ROBO1: variants seen among roughly 807,000 people sequenced by gnomAD.
The protein encoded by ROBO1 is roundabout guidance receptor 1.
In ROBO1, 149 loss-of-function variants were observed where a neutral mutation model predicts 195.9. That is an observed-to-expected ratio of 0.76 (90% confidence interval 0.67 to 0.87). The LOEUF is 0.87. Among genes scored for constraint, ROBO1 ranks in the 40% least tolerant of loss-of-function variants. The pLI, the probability that ROBO1 is intolerant of heterozygous loss-of-function variation, is 0.00. For synonymous variants in ROBO1, 816 were observed against 733.2 expected (o/e 1.11, Z -1.82); for missense variants, 1,933 against 2,068.3 (o/e 0.93, Z 1.27).
chr3:78,665,664 T>G (rs1278724214), intron 14 of ROBO1, among the ~76,000 whole-genome samples: 1 of 152,090 alleles, frequency 6.6e-6, no homozygotes. Context: ...AGAAAACAAA[T>G]CTGAATCTTA....
intron 29 of ROBO1, among the ~76,000 whole-genome samples, chr3:78,605,140 C>T (rs577596506): frequency 5.9e-5 from 9 of 152,200 alleles, no homozygotes; most frequent in African/African-American, 9.6e-5. Flanking sequence ...CTTTTTTCCT[C>T]GCTTGGTTTA....
intron 2 of ROBO1, among the ~76,000 whole-genome samples, chr3:79,500,000 G>T (rs921720318): frequency 6.6e-6 from 1 of 151,614 alleles, no homozygotes; most frequent in Non-Finnish European, 1.5e-5. Flanking sequence ...TAGAGATGGG[G>T]TTACACCGTA....
At chr3:78,720,407 C>G (rs1389378735) in intron 5 of ROBO1, among the ~76,000 whole-genome samples, 2 of 152,158 alleles carry the variant, frequency 1.3e-5, no homozygotes, top group Non-Finnish European at 2.9e-5. Flanking sequence ...CCATCTCACA[C>G]CAGTTAGAAT....
At position 78,600,219 on chromosome 3, in the gene ROBO1, G is replaced by A. The variant is rs1402585434; in HGVS notation, c.4835C>T (p.Ser1612Leu). The stretch of plus-strand genomic sequence containing the variant: ...TGCTTGTTCTCTTTGTCTGCTTCCT[G>A]ATCCTCTTGATGACATTGAGCTTGA... ...SSSSSMSSRG[S>L]GSRQREQANV... Residue 1612 changes from serine (S) to leucine (L), a missense_variant, in exon 30 of 31, where the codon TCA becomes TTA. By Grantham distance (145) the Ser-to-Leu change is moderately radical. Coordinates refer to ENST00000464233, the MANE Select transcript of ROBO1 (RefSeq NM_002941.4). The A allele has an allele frequency of 6.8e-6, 11 of 1,613,276 alleles. No homozygotes were observed. Among genetic ancestry groups the A allele is most frequent in the Non-Finnish European group, 9.3e-6 (11 of 1,179,482 alleles).
intron 3 of ROBO1, among the ~76,000 whole-genome samples, chr3:78,995,572 GCTTAACACCAT>G (rs2077343143): frequency 6.6e-6 from 1 of 151,950 alleles, no homozygotes. Flanking sequence ...TGACTCTTCT[GCTTAACACCAT>G]CTTAATTCAC....
At chr3:78,662,881 A>T (rs890075788) in intron 14 of ROBO1, among the ~76,000 whole-genome samples, 1 of 151,638 alleles carries the variant, frequency 6.6e-6, no homozygotes, top group Non-Finnish European at 1.5e-5. Context: ...ACTAATGTTA[A>T]TTTTTTTTTA....
chr3:79,044,895 C>CT (rs1373111379), intron 3 of ROBO1, among the ~76,000 whole-genome samples: 2 of 151,676 alleles, frequency 1.3e-5, no homozygotes, highest in South Asian at 2.1e-4. Context: ...TCAGTTTCCC[C>CT]TTTTTTTGTT....
chr3:79,051,291 A>C (rs374867433), intron 3 of ROBO1, among the ~76,000 whole-genome samples: 1 of 152,354 alleles, frequency 6.6e-6, no homozygotes, highest in Admixed American at 6.5e-5. Flanking sequence ...CTATGCAAAT[A>C]AACTAGAAAA....
chr3:78,706,675 AGATTCTATGAGACAAGG>A (rs1342126971), intron 8 of ROBO1, among the ~76,000 whole-genome samples: 1 of 152,182 alleles, frequency 6.6e-6, no homozygotes, highest in East Asian at 1.9e-4. Flanking sequence ...TGTGAAGAAT[AGATTCTATGAGACAAGG>A]TGGAGGCAAG....
chr3:79,257,921 G>A (rs1703785603), intron 2 of ROBO1, among the ~76,000 whole-genome samples: 1 of 151,980 alleles, frequency 6.6e-6, no homozygotes, highest in South Asian at 2.1e-4. Flanking sequence ...TGTCTTATTG[G>A]AGTTTAAAAT....
In ROBO1 at chr3:79,484,785, C is replaced by T. The variant is rs1029032294; in HGVS notation, c.88+105039G>A. ...TTTTTTTTTTTTTGAGACAGAGTCT[C>T]GCTCTGTCACCAGGCCAGAGTGCAG... On this transcript the variant is annotated intron_variant, in intron 2 of 30. Coordinates refer to ENST00000464233, the MANE Select transcript of ROBO1 (RefSeq NM_002941.4). 8.9e-4 allele frequency among the ~76,000 whole-genome samples: 7 copies of T among 7,890 alleles called. No homozygotes were observed. In the Admixed American group the frequency reaches 9.8e-3, roughly 11 times the overall value. The allele number at this position is 7,890 out of a possible 152,430, so 5.2% of individuals were successfully genotyped here. A position where few individuals can be genotyped will look rare whatever the true frequency, so the allele number is the denominator to read the frequency against.
intron 8 of ROBO1, among the ~76,000 whole-genome samples, chr3:78,712,594 T>C (rs2081790557): frequency 6.6e-6 from 1 of 152,308 alleles, no homozygotes; most frequent in African/African-American, 2.4e-5. Context: ...TTTATTTTAA[T>C]ATTGAATAAT....
chr3:78,710,676 T>C (rs1275280608), intron 8 of ROBO1, among the ~76,000 whole-genome samples: 2 of 152,226 alleles, frequency 1.3e-5, no homozygotes, highest in African/African-American at 2.4e-5. Context: ...GGTTACATAG[T>C]AGTAAATGAC....
chr3:79,580,649 T>G (rs1943630834), intron 2 of ROBO1, among the ~76,000 whole-genome samples: 1 of 152,132 alleles, frequency 6.6e-6, no homozygotes, highest in Non-Finnish European at 1.5e-5. Flanking sequence ...CTGTTTTATA[T>G]ATAAATGAAT....
chr3:79,435,645 C>T (rs2038859518), intron 2 of ROBO1, among the ~76,000 whole-genome samples: 1 of 152,118 alleles, frequency 6.6e-6, no homozygotes, highest in African/African-American at 2.4e-5. Context: ...CACCAGAACT[C>T]AGGATTTGTA....
chr3:79,725,275 G>A (rs1307871751), intron 1 of ROBO1, among the ~76,000 whole-genome samples: 2 of 132,202 alleles, frequency 1.5e-5, no homozygotes, highest in South Asian at 2.4e-4. Context: ...CGCCCAGGCT[G>A]GAGTGCAGTG....
intron 2 of ROBO1, among the ~76,000 whole-genome samples, chr3:79,368,677 T>C (rs1258329555): frequency 6.6e-6 from 1 of 152,154 alleles, no homozygotes; most frequent in African/African-American, 2.4e-5. Context: ...TTCTTTAGCT[T>C]GTCTCACCCT....
Position 78,996,572 on chromosome 3 carries a change from A to G in ROBO1, c.173-57645T>C, listed in dbSNP as rs552544394. ...CTCATGGAAGATTTGACCAGTTCACACTGGTAAATTTAGTCGACAAGGAAC... is the reference window on the plus strand; with the variant it reads ...CTCATGGAAGATTTGACCAGTTCACGCTGGTAAATTTAGTCGACAAGGAAC... On this transcript the variant is annotated intron_variant, in intron 3 of 30. Transcript: ENST00000464233. Among the ~76,000 whole-genome samples, 22 of 152,210 alleles carry G rather than the reference A, an allele frequency of 1.4e-4. 1 individual carries two copies. In the East Asian group the frequency reaches 1.6e-3, roughly 11 times the overall value.
At chr3:78,939,410 C>G (rs1236540709) in intron 3 of ROBO1, among the ~76,000 whole-genome samples, 2 of 149,396 alleles carry the variant, frequency 1.3e-5, no homozygotes, top group Admixed American at 6.7e-5. Flanking sequence ...GTCAGGAGAT[C>G]AAGACCATCC....
Sources: gnomAD v4.1 joint callset for allele counts (sites outside exome capture counted in the v4.1 genomes callset) on GRCh38, gnomAD v4.1.1 for gene constraint, MANE v1.5 for transcripts, NCBI Gene and HGNC (gene_info 2026-07-23, HGNC 2026-07-21) for gene names.